IGFL1: variants seen among roughly 807,000 people sequenced by gnomAD.
IGFL1 encodes insulin growth factor-like family member 1.
In IGFL1, 16 loss-of-function variants were observed where a neutral mutation model predicts 16.0. The observed-to-expected ratio is 1.00, with a 90% CI of 0.68 to 1.52. The LOEUF is 1.52. IGFL1 is among the 40% of genes most tolerant of loss of function. The probability of loss-of-function intolerance (pLI) is 0.00; values close to 1 mark genes in which losing one functional copy is unlikely to be tolerated. For synonymous variants in IGFL1, 59 were observed against 54.0 expected (o/e 1.09, Z -0.41); for missense variants, 149 against 141.7 (o/e 1.05, Z -0.26).
chr19:46,230,718 C>A, intron 3 of IGFL1, 103 bp from the exon 4 acceptor site: 1 of 1,425,588 alleles, frequency 7.0e-7, no homozygotes, highest in Non-Finnish European at 9.8e-7. Context: ...CCGCTGTCCT[C>A]TCCTCCTGGC....
chr19:46,230,585 AG>A, intron 3 of IGFL1, 68 bp downstream of exon 3: 1 of 1,589,186 alleles, frequency 6.3e-7, no homozygotes, highest in Middle Eastern at 1.7e-4. Context: ...CCCTGGGTGG[AG>A]CCCCCATTCT....
Position 46,230,865 on chromosome 19 carries a change from C to T in IGFL1, c.*35C>T, listed in dbSNP as rs769140664. The T allele has an allele frequency of 1.2e-6, 2 of 1,600,328 alleles. No individual in the cohort carries two copies. Among genetic ancestry groups the T allele is most frequent in the East Asian group, 4.5e-5 (2 of 44,656 alleles). On this transcript the variant is annotated 3_prime_UTR_variant, in exon 4 of 4. Coordinates refer to ENST00000437936, the MANE Select transcript of IGFL1 (RefSeq NM_198541.2). Reference sequence around the variant, plus strand: ...AGGGGAACGATGACTCCTGGATTCTCCTTCCTGGGTGGGCCTGGAGAAAGA... The same window carrying T: ...AGGGGAACGATGACTCCTGGATTCTTCTTCCTGGGTGGGCCTGGAGAAAGA...
chr19:46,230,112 C>G lies in IGFL1; in HGVS notation c.30C>G (p.Val10=), dbSNP rs1967226105. 1.2e-6 allele frequency: 2 copies of G among 1,613,488 alleles called. No homozygotes were observed. Among genetic ancestry groups the G allele is most frequent in the South Asian group, 1.1e-5 (1 of 91,064 alleles). ...TTCCCTTTCCCTTTCCCACAGCTGTCTTTGCCATTTTCTGCATCTCCAGGC... is the reference window on the plus strand; with the variant it reads ...TTCCCTTTCCCTTTCCCACAGCTGTGTTTGCCATTTTCTGCATCTCCAGGC... The part of the protein sequence containing the change: MAPRGCIVA[V]FAIFCISRLL... The change falls in exon 2 of 4, where the codon GTC becomes GTG. Residue 10 remains valine (V), a synonymous_variant. Coordinates refer to ENST00000437936, the MANE Select transcript of IGFL1 (RefSeq NM_198541.2).
chr19:46,231,071 C>T lies in IGFL1; in HGVS notation c.*241C>T, dbSNP rs1967238444. 3.3e-6 allele frequency: 2 copies of T among 603,942 alleles called. No individual in the cohort carries two copies. The highest frequency in any genetic ancestry group is 6.0e-6 in the Non-Finnish European group (2 of 334,866). 37.4% of individuals were successfully genotyped at this position (603,942 alleles called of 1,614,324 possible). ...ATGAGATGCGTGTGCTGATGGGGGC[C>T]CAGGGACTCTGAACCCTCCTGATGA... On this transcript the variant is annotated 3_prime_UTR_variant, in exon 4 of 4. Coordinates refer to ENST00000437936, the MANE Select transcript of IGFL1 (RefSeq NM_198541.2).
At chr19:46,229,829 G>T (rs1224660750) in intron 1 of IGFL1, 30 bp downstream of exon 1, 2 of 1,598,428 alleles carry the variant, frequency 1.3e-6, no homozygotes, top group Non-Finnish European at 1.7e-6. Flanking sequence ...ATTCCCACCT[G>T]AGCCCATCTC....
At chr19:46,230,650 C>T in intron 3 of IGFL1, 133 bp downstream of exon 3, 1 of 1,438,080 alleles carries the variant, frequency 7.0e-7, no homozygotes, top group South Asian at 1.2e-5. Flanking sequence ...TCTCCCTTTC[C>T]CTACACCTGT....
In IGFL1 at chr19:46,230,527, G is replaced by C. The variant is rs764392713; in HGVS notation, c.323+10G>C. 1.2e-6 allele frequency: 2 copies of C among 1,612,724 alleles called. No individual in the cohort carries two copies. Among genetic ancestry groups the C allele is most frequent in the Admixed American group, 1.7e-5 (1 of 60,018 alleles). ...ACAGGCTTTGTCGCAGGTGAGTCCT[G>C]TCCCCTCCGTGGGATTGTGGGTGCA... is the stretch of plus-strand genomic sequence containing the variant. On this transcript the variant is annotated intron_variant, in intron 3 of 3. Transcript: ENST00000437936.
In IGFL1 at chr19:46,230,299, G is replaced by T; in HGVS notation, c.105G>T (p.Met35Ile). The T allele has an allele frequency of 6.2e-7, 1 of 1,613,966 alleles. No individual in the cohort carries two copies. The highest frequency in any genetic ancestry group is 8.5e-7 in the Non-Finnish European group (1 of 1,179,882). Residue 35 changes from methionine (M) to isoleucine (I), a missense_variant, in exon 3 of 4, where the codon ATG becomes ATT. Physicochemically the swap from Met to Ile is conservative, Grantham distance 10. Coordinates refer to ENST00000437936, the MANE Select transcript of IGFL1 (RefSeq NM_198541.2). Reference sequence around the variant, plus strand: ...TGGCCCCCATGACTCCTTACCTGATGCTGTGCCAGCCACACAAGAGATGTG... The same window carrying T: ...TGGCCCCCATGACTCCTTACCTGATTCTGTGCCAGCCACACAAGAGATGTG... ...APVAPMTPYL[M>I]LCQPHKRCGD...
intron 2 of IGFL1, 42 bp downstream of exon 2, chr19:46,230,203 C>A: frequency 6.2e-7 from 1 of 1,613,498 alleles, no homozygotes; most frequent in Non-Finnish European, 8.5e-7. Context: ...AGGGGTACAC[C>A]TTCCAGGGGA....
At chr19:46,230,017 C>CAGCAAGAAGA in intron 1 of IGFL1, 91 bp from the exon 2 acceptor site, 1 of 1,481,256 alleles carries the variant, frequency 6.8e-7, no homozygotes, top group Non-Finnish European at 9.4e-7. Flanking sequence ...CCATACCGAG[C>CAGCAAGAAGA]CCTGGTTCCA....
In IGFL1 at chr19:46,230,303, T is replaced by G. The variant is rs187146043; in HGVS notation, c.109T>G (p.Cys37Gly). The change falls in exon 3 of 4, where the codon TGC (cysteine) becomes GGC (glycine). Residue 37 changes from cysteine to glycine, a missense_variant. By Grantham distance (159) the Cys-to-Gly change is radical. Transcript: ENST00000437936. The stretch of plus-strand genomic sequence containing the variant: ...CCCCATGACTCCTTACCTGATGCTG[T>G]GCCAGCCACACAAGAGATGTGGGGA... Reference protein sequence around the residue: ...VAPMTPYLMLCQPHKRCGDKF... With the variant: ...VAPMTPYLMLGQPHKRCGDKF... 10,109 of 1,613,970 alleles carry G rather than the reference T, an allele frequency of 6.3e-3. 50 individuals carry two copies. The highest frequency in any genetic ancestry group is 6.8e-3 in the Non-Finnish European group (8,042 of 1,179,870).
At chr19:46,229,892 C>A in intron 1 of IGFL1, 93 bp downstream of exon 1, 1 of 1,429,388 alleles carries the variant, frequency 7.0e-7, no homozygotes, top group Non-Finnish European at 9.7e-7. Flanking sequence ...CACCTCATCC[C>A]TGTTCCCATG....
intron 3 of IGFL1, 22 bp from the exon 4 acceptor site, chr19:46,230,797 GTC>G (rs762918679): frequency 1.2e-6 from 2 of 1,611,294 alleles, no homozygotes; most frequent in Non-Finnish European, 1.7e-6. Flanking sequence ...CCCGCTCAGT[GTC>G]TCTCTCTGTC....
intron 3 of IGFL1, 32 bp downstream of exon 3, chr19:46,230,549 T>G: frequency 6.2e-7 from 1 of 1,610,118 alleles, no homozygotes; most frequent in Non-Finnish European, 8.5e-7. Flanking sequence ...GGATTGTGGG[T>G]GCAGGGTAGC....
intron 3 of IGFL1, 112 bp from the exon 4 acceptor site, chr19:46,230,709 C>G: frequency 7.2e-7 from 1 of 1,390,776 alleles, no homozygotes; most frequent in Admixed American, 1.9e-5. Flanking sequence ...CTCTCTACCC[C>G]GCTGTCCTCT....
chr19:46,231,192 A>C lies in IGFL1; in HGVS notation c.*362A>C. On this transcript the variant is annotated 3_prime_UTR_variant, in exon 4 of 4. Transcript: ENST00000437936. ...TTTCCATCATCTCAAGTTCTCTTCTATCCAGGAGCAAAGCACAGGATCATA... is the reference window on the plus strand; with the variant it reads ...TTTCCATCATCTCAAGTTCTCTTCTCTCCAGGAGCAAAGCACAGGATCATA... 2.7e-6 allele frequency: 1 copy of C among 377,264 alleles called. No individual in the cohort carries two copies. Among genetic ancestry groups the C allele is most frequent in the Non-Finnish European group, 5.0e-6 (1 of 201,530 alleles). 23.4% of individuals were successfully genotyped at this position (377,264 alleles called of 1,614,324 possible).
rs1967228907 is a variant in IGFL1, at chr19:46,230,334, T to C, written c.140T>C (p.Phe47Ser). ...CQPHKRCGDK[F>S]YDPLQHCCYD... ...CCACACAAGAGATGTGGGGACAAGT[T>C]CTACGACCCCCTGCAGCACTGTTGC... The change falls in exon 3 of 4, where the codon TTC becomes TCC. Residue 47 changes from phenylalanine to serine, a missense_variant. Coordinates refer to ENST00000437936, the MANE Select transcript of IGFL1 (RefSeq NM_198541.2). 2.5e-6 allele frequency: 4 copies of C among 1,614,002 alleles called. No individual in the cohort carries two copies. The highest frequency in any genetic ancestry group is 3.4e-6 in the Non-Finnish European group (4 of 1,179,900).
intron 1 of IGFL1, 47 bp from the exon 2 acceptor site, chr19:46,230,061 A>G: frequency 1.3e-6 from 2 of 1,596,724 alleles, no homozygotes; most frequent in Middle Eastern, 2.1e-4. Context: ...TGCCAGTCAT[A>G]TCTGTGGCTG....
At chr19:46,230,611 C>T in intron 3 of IGFL1, 94 bp downstream of exon 3, 1 of 1,545,894 alleles carries the variant, frequency 6.5e-7, no homozygotes, top group South Asian at 1.2e-5. Context: ...GTCTCCCTGT[C>T]TCTGCCCCCT....
Sources: gnomAD v4.1 joint callset for allele counts on GRCh38, gnomAD v4.1.1 for gene constraint, MANE v1.5 for transcripts, NCBI Gene and HGNC (gene_info 2026-07-23, HGNC 2026-07-21) for gene names.